The following FGD2 variants were observed in gnomAD, a reference collection of about 807,000 sequenced individuals.
The protein encoded by FGD2 is FYVE, RhoGEF and PH domain-containing protein 2.
Under a neutral mutation model 75.9 loss-of-function variants are expected in FGD2, and 52 were observed. That is an observed-to-expected ratio of 0.69 (90% CI 0.55 to 0.86). The LOEUF (loss-of-function observed/expected upper bound fraction) is 0.86, where lower values mean the gene tolerates loss of function less well. Among genes scored for constraint, FGD2 ranks in the 40% least tolerant of loss-of-function variants. FGD2 has a pLI of 0.00. For missense variants in FGD2, 790 were observed against 872.0 expected, an observed-to-expected ratio of 0.91 and a Z score of 1.18; for synonymous variants, 347 against 348.6, an observed-to-expected ratio of 1.00 and a Z score of 0.05.
intron 4 of FGD2, 164 bp from the exon 5 acceptor site, chr6:37,013,445 G>A (rs1314188393): frequency 3.5e-6 from 5 of 1,429,968 alleles, no homozygotes; most frequent in Non-Finnish European, 4.6e-6. Flanking sequence ...AGTCTAAGGA[G>A]TAGAGGGGCG....
chr6:37,022,652 T>TCCCACCTCGGCCTCCACCTGC (rs1348496830), intron 13 of FGD2: 24 of 315,744 alleles, frequency 7.6e-5, no homozygotes, highest in Non-Finnish European at 3.4e-5. Context: ...CCTCTACCTG[T>TCCCACCTCGGCCTCCACCTGC]CCCACCTCGG....
At chr6:37,006,428 C>G (rs1289573548) in intron 1 of FGD2, among the ~76,000 whole-genome samples, 1 of 152,094 alleles carries the variant, frequency 6.6e-6, no homozygotes, top group Non-Finnish European at 1.5e-5. Flanking sequence ...AGTCATCGAA[C>G]AGCCTAATAG....
intron 9 of FGD2, among the ~76,000 whole-genome samples, chr6:37,016,912 A>T (rs1237767807): frequency 2.6e-5 from 4 of 152,140 alleles, no homozygotes; most frequent in Non-Finnish European, 5.9e-5. Flanking sequence ...AAGTCAAACA[A>T]TATAAAAAAT....
At position 37,027,421 on chromosome 6, in the gene FGD2, G is replaced by A. The variant is rs1765876547; in HGVS notation, c.1606-8G>A. On this transcript the variant is annotated splice_region_variant and splice_polypyrimidine_tract_variant and intron_variant, in intron 14 of 15. Coordinates refer to ENST00000274963, the MANE Select transcript of FGD2 (RefSeq NM_173558.4). ...CTGCTCCCTGACAGTCCCTCCTTCT[G>A]GTTTTAGAAAGGGTCCTCAGCCACG... is the stretch of plus-strand genomic sequence containing the variant. 5 of 1,599,660 alleles carry A rather than the reference G, an allele frequency of 3.1e-6. No homozygotes were observed. The highest frequency in any genetic ancestry group is 1.3e-5 in the African/African-American group (1 of 74,584).
chr6:37,018,672 A>G (rs865777207), intron 9 of FGD2, among the ~76,000 whole-genome samples: 2 of 152,210 alleles, frequency 1.3e-5, no homozygotes, highest in Admixed American at 6.5e-5. Context: ...GCACAAGGAT[A>G]CCTCATCTAA....
chr6:37,025,710 G>A (rs1765785764), intron 13 of FGD2, 82 bp from the exon 14 acceptor site: 14 of 1,516,446 alleles, frequency 9.2e-6, no homozygotes, highest in Non-Finnish European at 1.3e-5. Context: ...TTGCTCTCAT[G>A]CCCCCACCTG....
chr6:37,027,844 T>G, intron 15 of FGD2, 104 bp from the exon 16 acceptor site: 1 of 1,298,916 alleles, frequency 7.7e-7, no homozygotes, highest in Non-Finnish European at 1.1e-6. Context: ...CCCATGGGGG[T>G]TTAGGGTGTG....
chr6:37,014,753 T>G (rs1273539318), intron 7 of FGD2, 49 bp downstream of exon 7: 1 of 1,612,596 alleles, frequency 6.2e-7, no homozygotes, highest in African/African-American at 1.3e-5. Flanking sequence ...CCTGCAGGTC[T>G]CAGCCTGGTC....
At chr6:37,007,271 T>C (rs1338237590) in intron 1 of FGD2, among the ~76,000 whole-genome samples, 1 of 152,218 alleles carries the variant, frequency 6.6e-6, no homozygotes, top group Non-Finnish European at 1.5e-5. Flanking sequence ...TCCTGTAGGC[T>C]TCAGGGTGGA....
chr6:37,008,858 C>A lies in FGD2; in HGVS notation c.93C>A (p.Gly31=). ...GGACCCCAGAAGCAGCACCCAGAGGCCAGAGGCTAGAGGACGTGCATCACC... is the reference window on the plus strand; with the variant it reads ...GGACCCCAGAAGCAGCACCCAGAGGACAGAGGCTAGAGGACGTGCATCACC... ...NSRTPEAAPR[G]QRLEDVHHRP... The change falls in exon 2 of 16, where the codon GGC becomes GGA. Residue 31 remains glycine (G), a synonymous_variant. Coordinates refer to ENST00000274963, the MANE Select transcript of FGD2 (RefSeq NM_173558.4). 1 of 1,602,942 alleles carries A rather than the reference C, an allele frequency of 6.2e-7. No individual in the cohort carries two copies. The highest frequency in any genetic ancestry group is 8.5e-7 in the Non-Finnish European group (1 of 1,172,182).
chr6:37,022,416 G>GCCTCCACCTGCGTCACCCAGC (rs1416145071), intron 13 of FGD2, 46 bp downstream of exon 13: 1 of 1,521,868 alleles, frequency 6.6e-7, no homozygotes. Context: ...CGTCACCCAG[G>GCCTCCACCTGCGTCACCCAGC]CCTCCACCTG....
Position 37,013,471 on chromosome 6 carries a change from C to A in FGD2, c.528-138C>A, listed in dbSNP as rs1024772839. On this transcript the variant is annotated intron_variant, in intron 4 of 15. Coordinates refer to ENST00000274963, the MANE Select transcript of FGD2 (RefSeq NM_173558.4). ...TAGAGGGGCGCATGTGAGGATGACA[C>A]CCCCGTACCCCGCCCACACCCAGAA... 84 of 1,448,232 alleles carry A rather than the reference C, an allele frequency of 5.8e-5. No homozygotes were observed. In the African/African-American group the frequency reaches 1.0e-3, roughly 17 times the overall value. 89.7% of individuals were successfully genotyped at this position (1,448,232 alleles called of 1,614,324 possible).
chr6:37,028,382 C>T lies in FGD2; in HGVS notation c.*219C>T, dbSNP rs547060253. ...CAACCAAGTGTCTCAGTTTGCCTTG[C>T]GGGGAGGGGGCTCCTGGGCCATGGG... On this transcript the variant is annotated 3_prime_UTR_variant, in exon 16 of 16. Coordinates refer to ENST00000274963, the MANE Select transcript of FGD2 (RefSeq NM_173558.4). The T allele has an allele frequency of 6.4e-5, 33 of 518,718 alleles. No individual in the cohort carries two copies. The highest frequency in any genetic ancestry group is 5.1e-4 in the Middle Eastern group (1 of 1,968). The allele number at this position is 518,718 out of a possible 1,614,324, so 32.1% of individuals were successfully genotyped here.
chr6:37,014,849 A>G, intron 7 of FGD2, 43 bp from the exon 8 acceptor site: 3 of 1,610,490 alleles, frequency 1.9e-6, no homozygotes, highest in Non-Finnish European at 2.5e-6. Flanking sequence ...GAAGCAGGTG[A>G]GCCCTGCCCA....
intron 2 of FGD2, among the ~76,000 whole-genome samples, chr6:37,010,772 G>A (rs1208972041): frequency 2.0e-5 from 3 of 152,182 alleles, no homozygotes; most frequent in Admixed American, 6.5e-5. Context: ...TAAGGCTAAG[G>A]CAGAGAACTG....
intron 1 of FGD2, among the ~76,000 whole-genome samples, 154 bp from the exon 2 acceptor site, chr6:37,008,678 GAA>G (rs1583290326): frequency 6.6e-6 from 1 of 152,196 alleles, no homozygotes; most frequent in African/African-American, 2.4e-5. Flanking sequence ...GGAGAGAAGT[GAA>G]AGTCTTACTC....
At chr6:37,011,674 C>A in intron 3 of FGD2, 32 bp from the exon 4 acceptor site, 1 of 1,613,500 alleles carries the variant, frequency 6.2e-7, no homozygotes, top group South Asian at 1.1e-5. Flanking sequence ...CTCCCTGTCA[C>A]TGCAGTGAGT....
At position 37,027,944 on chromosome 6, in the gene FGD2, C is replaced by G. The variant is rs773024828; in HGVS notation, c.1753-4C>G. The G allele has an allele frequency of 2.0e-5, 32 of 1,613,726 alleles. No individual in the cohort carries two copies. The highest frequency in any genetic ancestry group is 1.0e-4 in the Admixed American group (6 of 60,000). On this transcript the variant is annotated splice_region_variant and splice_polypyrimidine_tract_variant and intron_variant, in intron 15 of 15. Transcript: ENST00000274963. ...AGTGGCCCACTGCTCTCTCCTCCCCCCAGGACATGAGGGCTCACACCTCCA... is the reference window on the plus strand; with the variant it reads ...AGTGGCCCACTGCTCTCTCCTCCCCGCAGGACATGAGGGCTCACACCTCCA...
chr6:37,007,417 C>G (rs1227662741), intron 1 of FGD2, among the ~76,000 whole-genome samples: 2 of 152,334 alleles, frequency 1.3e-5, no homozygotes, highest in East Asian at 1.9e-4. Flanking sequence ...CCTGGCCCAC[C>G]ACCCCCTTGG....
Sources: gnomAD v4.1 joint callset for allele counts (sites outside exome capture counted in the v4.1 genomes callset) on GRCh38, gnomAD v4.1.1 for gene constraint, MANE v1.5 for transcripts, NCBI Gene and HGNC (gene_info 2026-07-23, HGNC 2026-07-21) for gene names.